Variants in QTGAL observed in about 807,000 individuals in gnomAD.
QTGAL encodes BGnT-like protein 1.
chr17:82,970,589 T>TCCCCAC, the QTGAL span, among the ~76,000 whole-genome samples: 3,873 of 130,134 alleles, frequency 0.03, 488 homozygotes, highest in Middle Eastern at 0.061. Context: ...GGCCGCGACC[T>TCCCCAC]CCGCACCCGG....
At chr17:82,962,869 C>CT in the QTGAL span, among the ~76,000 whole-genome samples, 1 of 151,032 alleles carries the variant, frequency 6.6e-6, no homozygotes, top group East Asian at 2.0e-4. Context: ...GTGCCTCTGC[C>CT]CTGGGAGGAG....
the QTGAL span, among the ~76,000 whole-genome samples, chr17:83,021,229 T>G: frequency 6.6e-6 from 1 of 152,130 alleles, no homozygotes; most frequent in Non-Finnish European, 1.5e-5. Flanking sequence ...TATAATGAAC[T>G]GAACCAAGAA....
chr17:82,951,446 A>G, the QTGAL span, among the ~76,000 whole-genome samples: 1 of 152,214 alleles, frequency 6.6e-6, no homozygotes, highest in Admixed American at 6.5e-5. Context: ...CTCGCTCTGT[A>G]TTAGGCTTTG....
At chr17:82,999,157 C>CAT in the QTGAL span, among the ~76,000 whole-genome samples, 1 of 152,156 alleles carries the variant, frequency 6.6e-6, no homozygotes. Context: ...AAAGGCTGGA[C>CAT]ATATATTCAC....
the QTGAL span, chr17:82,947,718 G>C: frequency 6.6e-6 from 1 of 152,482 alleles, no homozygotes; most frequent in Non-Finnish European, 1.5e-5. Context: ...CCCAGCAGGA[G>C]GAATCGGAGC....
chr17:83,021,771 C>A, the QTGAL span, among the ~76,000 whole-genome samples: 4 of 152,194 alleles, frequency 2.6e-5, no homozygotes, highest in Non-Finnish European at 5.9e-5. Flanking sequence ...TACTATAAAG[C>A]TACACTGTAG....
chr17:83,010,068 CCCCTGGTGTGTGGAGCTGCAGGGGA>C, the QTGAL span, among the ~76,000 whole-genome samples: 2 of 90,636 alleles, frequency 2.2e-5, no homozygotes, highest in African/African-American at 9.4e-5. Context: ...GCTGTGGGGG[CCCCTGGTGTGTGGAGCTGCAGGGGA>C]CCCTGGTGTG....
At chr17:82,965,799 A>C in the QTGAL span, 40 of 1,499,170 alleles carry the variant, frequency 2.7e-5, no homozygotes, top group South Asian at 4.4e-4. Flanking sequence ...CTTGTCACAA[A>C]CAACCTGCAG....
At chr17:82,991,318 C>T in the QTGAL span, among the ~76,000 whole-genome samples, 4 of 152,168 alleles carry the variant, frequency 2.6e-5, no homozygotes, top group African/African-American at 9.7e-5. Flanking sequence ...GGGAAGGACC[C>T]AGTGGGAGAT....
chr17:83,037,764 G>A, the QTGAL span, among the ~76,000 whole-genome samples: 1 of 152,246 alleles, frequency 6.6e-6, no homozygotes, highest in Non-Finnish European at 1.5e-5. The surrounding 1 kb of genome is among the most constrained non-coding windows in gnomAD (Gnocchi z 5.2). Flanking sequence ...GGGTATCCGT[G>A]AGCCTGGGTA....
the QTGAL span, among the ~76,000 whole-genome samples, chr17:83,040,894 T>C: frequency 1.3e-5 from 2 of 151,942 alleles, no homozygotes; most frequent in Admixed American, 6.6e-5. Flanking sequence ...TGAAACCCCA[T>C]CTCTACTAAA....
At chr17:83,019,140 G>A in the QTGAL span, among the ~76,000 whole-genome samples, 24 of 152,194 alleles carry the variant, frequency 1.6e-4, no homozygotes, top group Non-Finnish European at 3.2e-4. Context: ...TCCACGTCCA[G>A]AAAGGGATTG....
the QTGAL span, among the ~76,000 whole-genome samples, chr17:82,959,579 G>A: frequency 1.1e-4 from 17 of 152,106 alleles, no homozygotes; most frequent in East Asian, 1.9e-4. Flanking sequence ...TTAGCAGCCC[G>A]GGTGTGTTGG....
chr17:82,979,838 C>A, the QTGAL span, among the ~76,000 whole-genome samples: 1 of 152,142 alleles, frequency 6.6e-6, no homozygotes, highest in African/African-American at 2.4e-5. Context: ...AATTTTAAGA[C>A]CTGGTCATCA....
the QTGAL span, among the ~76,000 whole-genome samples, chr17:83,019,232 T>A: frequency 2.0e-5 from 3 of 152,116 alleles, no homozygotes; most frequent in African/African-American, 2.4e-5. Flanking sequence ...ACAGAGTCTA[T>A]GATGCAGGAG....
At chr17:82,950,669 G>A in the QTGAL span, among the ~76,000 whole-genome samples, 2 of 152,226 alleles carry the variant, frequency 1.3e-5, no homozygotes, top group Non-Finnish European at 2.9e-5. Flanking sequence ...AGACTGGAAA[G>A]TTGGAATGAC....
At chr17:82,944,732 C>T in the QTGAL span, 2 of 152,180 alleles carry the variant, frequency 1.3e-5, no homozygotes, top group Non-Finnish European at 2.9e-5. Flanking sequence ...AGGTGCTAAC[C>T]AGAAACCCTC....
At chr17:82,992,824 A>G in the QTGAL span, among the ~76,000 whole-genome samples, 28 of 152,214 alleles carry the variant, frequency 1.8e-4, no homozygotes. Context: ...GGACAAAGTT[A>G]AGGTATAGAG....
the QTGAL span, among the ~76,000 whole-genome samples, chr17:83,050,009 C>T: frequency 1.3e-5 from 2 of 152,182 alleles, no homozygotes; most frequent in African/African-American, 4.8e-5. Flanking sequence ...GTTGAAAACA[C>T]AATTTAGTCA....
Sources: allele counts gnomAD v4.1 joint callset (sites outside exome capture counted in the v4.1 genomes callset), GRCh38; gene constraint gnomAD v4.1.1; non-coding constraint Gnocchi (gnomAD v3.1); transcripts MANE v1.5; gene names NCBI Gene and HGNC (gene_info 2026-07-23, HGNC 2026-07-21).